PHTF2: variants seen among roughly 807,000 people sequenced by gnomAD.
PHTF2 encodes putative homeodomain transcription factor 2.
Under a neutral mutation model 101.2 loss-of-function variants are expected in PHTF2, and 60 were observed. That is an observed-to-expected ratio of 0.59 (90% CI 0.48 to 0.73). The LOEUF is 0.73. Ranked by LOEUF, PHTF2 falls within the 30% of genes least tolerant of loss-of-function variation. The pLI, the probability that PHTF2 is intolerant of heterozygous loss-of-function variation, is 0.00. For synonymous variants in PHTF2, 311 were observed against 307.3 expected (o/e 1.01, Z -0.13); for missense variants, 747 against 908.7 (o/e 0.82, Z 2.29).
At chr7:77,920,348 G>A in exon 10 of PHTF2, 1 of 1,609,774 alleles carries the variant, frequency 6.2e-7, no homozygotes, top group Non-Finnish European at 8.5e-7. Context: ...CCCTTGATGG[G>A]AAGAAGACTG....
At chr7:77,935,126 C>T (rs985734089) in intron 12 of PHTF2, among the ~76,000 whole-genome samples, 1 of 66,072 alleles carries the variant, frequency 1.5e-5, no homozygotes, top group South Asian at 5.2e-4. Flanking sequence ...ACATTCCCCC[C>T]CCCCACACAC....
At chr7:77,909,574 T>A (rs142487457) in intron 8 of PHTF2, 1 of 152,342 alleles carries the variant, frequency 6.6e-6, no homozygotes, top group Admixed American at 6.6e-5. Flanking sequence ...CACTTTATTG[T>A]CCAGGCTAGT....
At chr7:77,873,148 C>T (rs745812085) in intron 3 of PHTF2, among the ~76,000 whole-genome samples, 5 of 152,040 alleles carry the variant, frequency 3.3e-5, no homozygotes, top group Non-Finnish European at 5.9e-5. Flanking sequence ...AAGGTGGTCT[C>T]GATCTCCTGA....
intron 5 of PHTF2, among the ~76,000 whole-genome samples, chr7:77,897,436 A>C (rs1800975891): frequency 6.6e-6 from 1 of 151,294 alleles, no homozygotes; most frequent in Admixed American, 6.6e-5. Flanking sequence ...TAAATAAAAT[A>C]TTTTTATTAT....
chr7:77,907,820 C>T (rs1802007644), intron 7 of PHTF2: 1 of 152,130 alleles, frequency 6.6e-6, no homozygotes, highest in Non-Finnish European at 1.5e-5. Context: ...AACAAAATGA[C>T]CAAAAATCTT....
intron 1 of PHTF2, among the ~76,000 whole-genome samples, chr7:77,804,606 G>C (rs763523044): frequency 1.3e-5 from 2 of 152,176 alleles, no homozygotes; most frequent in South Asian, 2.1e-4. Context: ...GATTACAGGC[G>C]TGAGCCACTA....
At chr7:77,910,220 C>A in intron 8 of PHTF2, 25 bp from the exon 8 acceptor site, 1 of 1,587,518 alleles carries the variant, frequency 6.3e-7, no homozygotes, top group Non-Finnish European at 8.6e-7. Context: ...AAGCTGCCTT[C>A]CATTCTTAAT....
chr7:77,827,732 C>G (rs74792930), intron 1 of PHTF2, among the ~76,000 whole-genome samples: 1 of 152,128 alleles, frequency 6.6e-6, no homozygotes, highest in African/African-American at 2.4e-5. Context: ...CTGCTCCTCC[C>G]AGGTTCAAGC....
intron 1 of PHTF2, among the ~76,000 whole-genome samples, chr7:77,838,858 G>T (rs972324841): frequency 7.2e-5 from 11 of 152,106 alleles, no homozygotes; most frequent in South Asian, 2.1e-4. Flanking sequence ...CTTAGGAAAG[G>T]TTATAAAATA....
In PHTF2 at chr7:77,908,552, G is replaced by C. The variant is rs564997388; in HGVS notation, c.446-241G>C. On this transcript the variant is annotated intron_variant, in intron 7 of 19. Transcript: ENST00000416283. ...CATCTAATTTACGTTGCAGCGTTGA[G>C]GTGTAGTTTAGAGACTATGTTGGGT... Among the ~76,000 whole-genome samples, 6 of 152,252 alleles carry C rather than the reference G, an allele frequency of 3.9e-5. No individual in the cohort carries two copies. The South Asian group carries it at 1.2e-3, about 32-fold the overall frequency.
chr7:77,944,685 C>T (rs117395753), intron 16 of PHTF2, among the ~76,000 whole-genome samples: 3,360 of 152,198 alleles, frequency 0.022, 52 homozygotes, highest in Middle Eastern at 0.068. Flanking sequence ...ACAGATAAAC[C>T]CATAGCAGGA....
At chr7:77,918,695 AT>A (rs1057091977) in intron 9 of PHTF2, among the ~76,000 whole-genome samples, 7 of 151,824 alleles carry the variant, frequency 4.6e-5, no homozygotes, top group Admixed American at 3.9e-4. Flanking sequence ...TGCGTCTTTT[AT>A]TTTCTATTTT....
intron 16 of PHTF2, among the ~76,000 whole-genome samples, chr7:77,947,443 A>C (rs1806149440): frequency 6.6e-6 from 1 of 151,872 alleles, no homozygotes. Flanking sequence ...CATGCCTGTA[A>C]TCCCAGCTAC....
intron 1 of PHTF2, among the ~76,000 whole-genome samples, chr7:77,803,326 C>G (rs1199160710): frequency 6.6e-6 from 1 of 152,142 alleles, no homozygotes; most frequent in Admixed American, 6.6e-5. Context: ...AGTATATCTA[C>G]AGAAATTTTA....
At chr7:77,933,060 A>G (rs539189295) in intron 12 of PHTF2, among the ~76,000 whole-genome samples, 1 of 152,042 alleles carries the variant, frequency 6.6e-6, no homozygotes, top group South Asian at 2.1e-4. Context: ...AACACGGTGA[A>G]ACCCCATCTC....
chr7:77,854,737 T>A (rs1797036957), exon 3 of PHTF2: 1 of 713,644 alleles, frequency 1.4e-6, no homozygotes, highest in Admixed American at 2.0e-5. Context: ...ATGTAGGAGT[T>A]TCTCTCTGTG....
At chr7:77,919,658 T>C (rs150530970) in intron 9 of PHTF2, among the ~76,000 whole-genome samples, 128 of 152,322 alleles carry the variant, frequency 8.4e-4, no homozygotes, top group African/African-American at 2.9e-3. Flanking sequence ...TCTAGCCCTT[T>C]AGATATTTAT....
At chr7:77,884,319 G>A (rs189427431) in intron 3 of PHTF2, among the ~76,000 whole-genome samples, 1 of 152,178 alleles carries the variant, frequency 6.6e-6, no homozygotes, top group East Asian at 1.9e-4. Flanking sequence ...AGATTTCATT[G>A]TACCTGTTAC....
intron 1 of PHTF2, among the ~76,000 whole-genome samples, chr7:77,819,846 G>A (rs1442990139): frequency 6.6e-6 from 1 of 152,112 alleles, no homozygotes; most frequent in Non-Finnish European, 1.5e-5. Context: ...AAATTCAGCT[G>A]TGAAGCCATC....
Sources: allele counts gnomAD v4.1 joint callset (sites outside exome capture counted in the v4.1 genomes callset), GRCh38; gene constraint gnomAD v4.1.1; transcripts MANE v1.5; gene names NCBI Gene and HGNC (gene_info 2026-07-23, HGNC 2026-07-21).